SPTBN4: variants seen among roughly 807,000 people sequenced by gnomAD.
SPTBN4 encodes the protein spectrin beta chain, non-erythrocytic 4.
In SPTBN4, 96 loss-of-function variants were observed where a neutral mutation model predicts 277.8. The ratio of observed to expected loss-of-function variants is 0.35; its 90% CI spans 0.29 to 0.41. SPTBN4 has a LOEUF of 0.41. Ranked by LOEUF, SPTBN4 falls within the 10% of genes least tolerant of loss-of-function variation. The pLI is 1.00. For missense variants in SPTBN4, 3,006 were observed against 3,595.7 expected (o/e 0.84, Z 4.19); for synonymous variants, 1,481 against 1,580.3 (o/e 0.94, Z 1.49).
chr19:40,519,329 C>T lies in SPTBN4; in HGVS notation c.2904-72C>T, dbSNP rs1022566878. 16 of 1,406,106 alleles carry T rather than the reference C, an allele frequency of 1.1e-5. 1 individual carries two copies. The Admixed American group carries it at 1.8e-4, about 16-fold the overall frequency. 87.1% of individuals were successfully genotyped at this position (1,406,106 alleles called of 1,614,324 possible). A position where few individuals can be genotyped will look rare whatever the true frequency, so the allele number is the denominator to read the frequency against. On this transcript the variant is annotated intron_variant, in intron 15 of 35. Coordinates refer to ENST00000598249, the MANE Select transcript of SPTBN4 (RefSeq NM_020971.3). The surrounding 1 kb of genome is among the most constrained non-coding windows in gnomAD (Gnocchi z 5.7). ...GGGTGGCTTGGGCCTGGATTCTACC[C>T]TGGGTCGGCGGGCCCTCCGCGCCCA...
At chr19:40,534,879 C>G (rs2080717420) in intron 20 of SPTBN4, 1 of 160,142 alleles carries the variant, frequency 6.2e-6, no homozygotes. Flanking sequence ...ACAGGGCACT[C>G]TTAGAGAACA....
At chr19:40,501,839 T>C in intron 7 of SPTBN4, 82 bp from the exon 8 acceptor site, 1 of 1,175,550 alleles carries the variant, frequency 8.5e-7, no homozygotes, top group Non-Finnish European at 1.3e-6. Flanking sequence ...TGAGAGTGGC[T>C]TCTCCATCCC....
At chr19:40,526,884 C>T (rs889653713) in intron 17 of SPTBN4, among the ~76,000 whole-genome samples, 4 of 152,192 alleles carry the variant, frequency 2.6e-5, no homozygotes, top group South Asian at 4.1e-4. Context: ...CCATCGTGCC[C>T]GGCCTACTCT....
At chr19:40,556,569 TTAGA>T (rs1393486019) in intron 25 of SPTBN4, among the ~76,000 whole-genome samples, 4 of 145,658 alleles carry the variant, frequency 2.7e-5, no homozygotes, top group African/African-American at 1.0e-4. Flanking sequence ...TCAGTAAGTG[TTAGA>T]TATTATTTTT....
intron 16 of SPTBN4, among the ~76,000 whole-genome samples, chr19:40,520,373 T>C (rs889483760): frequency 6.6e-5 from 10 of 152,020 alleles, no homozygotes; most frequent in African/African-American, 2.4e-4. Flanking sequence ...GTATCATCAG[T>C]GGGGTAGGTT....
intron 13 of SPTBN4, among the ~76,000 whole-genome samples, chr19:40,511,201 C>T (rs920034089): frequency 8.6e-5 from 13 of 151,718 alleles, no homozygotes; most frequent in East Asian, 5.8e-4. Flanking sequence ...GTCAGGAGTT[C>T]GAGACCAGTC....
At chr19:40,538,523 A>G (rs2080764298) in intron 20 of SPTBN4, among the ~76,000 whole-genome samples, 1 of 152,174 alleles carries the variant, frequency 6.6e-6, no homozygotes, top group Non-Finnish European at 1.5e-5. Context: ...GGCTGGCTTC[A>G]TGGGTGTTTG....
intron 35 of SPTBN4, among the ~76,000 whole-genome samples, chr19:40,574,830 C>G (rs1048698007): frequency 6.6e-6 from 1 of 151,960 alleles, no homozygotes; most frequent in Non-Finnish European, 1.5e-5. Context: ...GTGTGGCCAA[C>G]GTGGCGAAAC....
Position 40,520,144 on chromosome 19 carries a change from G to A in SPTBN4, c.3647G>A (p.Arg1216His), listed in dbSNP as rs1455686863. 2.1e-6 allele frequency: 3 copies of A among 1,427,744 alleles called. No individual in the cohort carries two copies. Among genetic ancestry groups the A allele is most frequent in the Non-Finnish European group, 1.8e-6 (2 of 1,091,060 alleles). The allele number at this position is 1,427,744 out of a possible 1,614,324, so 88.4% of individuals were successfully genotyped here. ...CTACGCCAGGCGCTCGTGGTGCTGC[G>A]TAACCAGGTGCCCACTCGGGGTGTA... The part of the protein sequence containing the change: ...RDLRQALVVL[R>H]NQEMALSGAE... Residue 1216 changes from arginine (R) to histidine (H), a missense_variant, in exon 16 of 36, where the codon CGT (arginine) becomes CAT (histidine). By Grantham distance (29) the Arg-to-His change is conservative. Transcript: ENST00000598249.
intron 20 of SPTBN4, among the ~76,000 whole-genome samples, chr19:40,536,942 T>C (rs1184584564): frequency 2.6e-5 from 4 of 151,796 alleles, no homozygotes; most frequent in Admixed American, 6.6e-5. Context: ...CACACCACCA[T>C]GCCTGATTGA....
chr19:40,479,670 G>A (rs1322752749), intron 2 of SPTBN4, among the ~76,000 whole-genome samples: 1 of 87,282 alleles, frequency 1.1e-5, no homozygotes, highest in Non-Finnish European at 2.1e-5. Context: ...TTGCTAATGA[G>A]TAAGCATATA....
chr19:40,534,418 G>A (rs1200840576), intron 20 of SPTBN4, 75 bp downstream of exon 20: 3 of 1,531,548 alleles, frequency 2.0e-6, no homozygotes, highest in Non-Finnish European at 2.6e-6. Context: ...CCCACTCAAG[G>A]TATGTCAAGT....
chr19:40,554,467 A>G lies in SPTBN4; in HGVS notation c.4953+42A>G. 1 of 1,495,838 alleles carries G rather than the reference A, an allele frequency of 6.7e-7. No individual in the cohort carries two copies. Among genetic ancestry groups the G allele is most frequent in the Non-Finnish European group, 8.9e-7 (1 of 1,119,162 alleles). The allele number at this position is 1,495,838 out of a possible 1,614,324, so 92.7% of individuals were successfully genotyped here. ...GGTGCGGAGGGCCTGGGGGCGCTGG[A>G]GCCGGGGGCCGCCGCTGCCGCCTCA... On this transcript the variant is annotated intron_variant, in intron 23 of 35. Coordinates refer to ENST00000598249, the MANE Select transcript of SPTBN4 (RefSeq NM_020971.3). The surrounding 1 kb of genome is among the most constrained non-coding windows in gnomAD (Gnocchi z 5.7).
intron 20 of SPTBN4, among the ~76,000 whole-genome samples, chr19:40,537,764 TATC>T (rs2080755098): frequency 2.0e-5 from 3 of 151,820 alleles, no homozygotes; most frequent in Admixed American, 2.0e-4. Context: ...AATAGGACTC[TATC>T]ATCAGTGCAG....
Position 40,490,348 on chromosome 19 carries a change from A to C in SPTBN4, c.495+100A>C. The C allele has an allele frequency of 2.2e-6, 3 of 1,357,808 alleles. No homozygotes were observed. The highest frequency in any genetic ancestry group is 1.9e-4 in the Middle Eastern group (1 of 5,308). 84.1% of individuals were successfully genotyped at this position (1,357,808 alleles called of 1,614,324 possible). ...ATTCTTTCCTTCCAATAATATCCTA[A>C]TATGCTGGAATCCTATTCCAGGTGT... is the stretch of plus-strand genomic sequence containing the variant. On this transcript the variant is annotated intron_variant, in intron 4 of 35. Transcript: ENST00000598249. The surrounding 1 kb of genome is among the most constrained non-coding windows in gnomAD (Gnocchi z 4.3).
intron 2 of SPTBN4, among the ~76,000 whole-genome samples, chr19:40,480,676 T>C (rs1297892476): frequency 6.6e-6 from 1 of 152,172 alleles, no homozygotes; most frequent in Non-Finnish European, 1.5e-5. Flanking sequence ...CTCCTTGCTG[T>C]ATAGTGTTGC....
In SPTBN4 at chr19:40,493,044, A is replaced by G; in HGVS notation, c.577A>G (p.Lys193Glu). The G allele has an allele frequency of 1.2e-6, 2 of 1,614,048 alleles. No individual in the cohort carries two copies. The highest frequency in any genetic ancestry group is 1.7e-6 in the Non-Finnish European group (2 of 1,179,976). ...KDALLLWCQM[K>E]TAGYPEVNIQ... Reference sequence around the variant, plus strand: ...TGCTCTGCTCTTGTGGTGTCAGATGAAGACAGCTGGGTAAGCACCCCCACC... The same window carrying G: ...TGCTCTGCTCTTGTGGTGTCAGATGGAGACAGCTGGGTAAGCACCCCCACC... Residue 193 changes from lysine to glutamate, a missense_variant, in exon 5 of 36, where the codon AAG becomes GAG. Physicochemically the swap from Lys to Glu is moderately conservative, Grantham distance 56 (BLOSUM62 1). Coordinates refer to ENST00000598249, the MANE Select transcript of SPTBN4 (RefSeq NM_020971.3).
intron 17 of SPTBN4, among the ~76,000 whole-genome samples, chr19:40,524,781 CA>C (rs1348056404): frequency 2.0e-5 from 3 of 152,358 alleles, no homozygotes; most frequent in East Asian, 3.8e-4. Flanking sequence ...TCTTGAACCT[CA>C]TTGTTCTCTG....
intron 21 of SPTBN4, 142 bp from the exon 22 acceptor site, chr19:40,550,092 AAAAC>A (rs1171817245): frequency 4.3e-4 from 271 of 630,000 alleles, no homozygotes; most frequent in Non-Finnish European, 6.4e-4. Flanking sequence ...AGAAAAAAAA[AAAAC>A]AAAAAATGGA....
Sources: allele counts gnomAD v4.1 joint callset (sites outside exome capture counted in the v4.1 genomes callset), GRCh38; gene constraint gnomAD v4.1.1; non-coding constraint Gnocchi (gnomAD v3.1); transcripts MANE v1.5; gene names NCBI Gene and HGNC (gene_info 2026-07-23, HGNC 2026-07-21).